CTNNA3: variants seen among roughly 807,000 people sequenced by gnomAD.
The protein encoded by CTNNA3 is catenin alpha 3.
Under a neutral mutation model 95.7 loss-of-function variants are expected in CTNNA3, and 76 were observed. The ratio of observed to expected loss-of-function variants is 0.79; its 90% CI spans 0.66 to 0.96. CTNNA3 has a LOEUF of 0.96. Among genes scored for constraint, CTNNA3 ranks in the 40% least tolerant of loss-of-function variants. The probability of loss-of-function intolerance (pLI) is 0.00; values close to 1 mark genes in which losing one functional copy is unlikely to be tolerated. For synonymous variants in CTNNA3, 431 were observed against 374.4 expected (o/e 1.15, Z -1.74); for missense variants, 1,191 against 1,089.8 (o/e 1.09, Z -1.31).
chr10:67,219,218 C>A (rs1864532636), intron 6 of CTNNA3, among the ~76,000 whole-genome samples: 1 of 152,136 alleles, frequency 6.6e-6, no homozygotes, highest in African/African-American at 2.4e-5. Flanking sequence ...CCTATAATCA[C>A]CTGCTAAAAT....
intron 2 of CTNNA3, among the ~76,000 whole-genome samples, chr10:67,632,441 G>C (rs115356339): frequency 0.035 from 5,378 of 152,184 alleles, 94 homozygotes; most frequent in Middle Eastern, 0.078. Flanking sequence ...ACTCAGAGAG[G>C]AAGGAAAGGA....
intron 7 of CTNNA3, among the ~76,000 whole-genome samples, chr10:66,825,771 C>G (rs938317045): frequency 6.6e-6 from 1 of 152,072 alleles, no homozygotes; most frequent in Non-Finnish European, 1.5e-5. Flanking sequence ...CTCACTGTCC[C>G]AGGATTGTGG....
At chr10:67,495,759 T>G (rs565282134) in intron 5 of CTNNA3, among the ~76,000 whole-genome samples, 3 of 152,310 alleles carry the variant, frequency 2.0e-5, no homozygotes, top group Admixed American at 2.0e-4. Context: ...ACTTACATCC[T>G]GTGTGAGTGG....
intron 5 of CTNNA3, among the ~76,000 whole-genome samples, chr10:67,503,914 T>C (rs1839316835): frequency 6.6e-6 from 1 of 152,076 alleles, no homozygotes; most frequent in Admixed American, 6.5e-5. Flanking sequence ...TCCCAGCACT[T>C]TGGGAGGCCA....
chr10:66,588,990 T>G (rs1200584253), intron 10 of CTNNA3, among the ~76,000 whole-genome samples: 2 of 152,094 alleles, frequency 1.3e-5, no homozygotes, highest in African/African-American at 4.8e-5. Flanking sequence ...AACAGACTAG[T>G]AATTAAATAC....
At chr10:67,635,505 T>C (rs886784973) in intron 2 of CTNNA3, among the ~76,000 whole-genome samples, 1 of 152,100 alleles carries the variant, frequency 6.6e-6, no homozygotes, top group Non-Finnish European at 1.5e-5. Flanking sequence ...GGATGCAAGG[T>C]TGGTTCAACA....
chr10:66,522,175 A>C (rs1390429406), intron 10 of CTNNA3, among the ~76,000 whole-genome samples: 1 of 152,144 alleles, frequency 6.6e-6, no homozygotes, highest in African/African-American at 2.4e-5. Flanking sequence ...TCTCTTGTTA[A>C]AATAAGTTAT....
intron 16 of CTNNA3, among the ~76,000 whole-genome samples, chr10:65,978,384 A>T (rs2078249529): frequency 6.7e-6 from 1 of 149,704 alleles, no homozygotes; most frequent in Admixed American, 6.7e-5. Flanking sequence ...TTCCTCTTAG[A>T]TTTTCTCCTA....
chr10:67,311,980 T>C (rs916278994), intron 5 of CTNNA3, among the ~76,000 whole-genome samples: 3 of 151,898 alleles, frequency 2.0e-5, no homozygotes, highest in Admixed American at 2.0e-4. Flanking sequence ...CACGCACACG[T>C]ACCACCTCAC....
intron 5 of CTNNA3, among the ~76,000 whole-genome samples, chr10:67,490,374 C>A (rs1052935984): frequency 2.0e-5 from 3 of 152,082 alleles, no homozygotes; most frequent in African/African-American, 4.8e-5. Flanking sequence ...CTGCTTAAGT[C>A]TGAATCTCCC....
chr10:67,726,514 TTATATTATATTATA>T (rs1215605733), intron 1 of CTNNA3, among the ~76,000 whole-genome samples: 1 of 66,078 alleles, frequency 1.5e-5, no homozygotes, highest in Non-Finnish European at 2.5e-5. Flanking sequence ...ATATTATATA[TTATATTATATTATA>T]TATATTATTA....
chr10:67,677,941 C>T (rs965272425), intron 1 of CTNNA3, among the ~76,000 whole-genome samples: 3 of 151,978 alleles, frequency 2.0e-5, no homozygotes, highest in Non-Finnish European at 2.9e-5. Context: ...AGAGTTGCCC[C>T]GATGCAAATG....
intron 10 of CTNNA3, among the ~76,000 whole-genome samples, chr10:66,531,211 T>G (rs1193021558): frequency 6.6e-6 from 1 of 152,170 alleles, no homozygotes; most frequent in Admixed American, 6.6e-5. Context: ...GTTTGTAGAC[T>G]AATAAAAATA....
chr10:66,558,388 G>T (rs939417960), intron 10 of CTNNA3, among the ~76,000 whole-genome samples: 4 of 151,896 alleles, frequency 2.6e-5, no homozygotes, highest in African/African-American at 9.7e-5. Context: ...ATTTTCTTTT[G>T]GGGAAATGGC....
At chr10:66,651,295 AAC>A (rs1845888156) in intron 9 of CTNNA3, among the ~76,000 whole-genome samples, 1 of 152,284 alleles carries the variant, frequency 6.6e-6, no homozygotes, top group African/African-American at 2.4e-5. Flanking sequence ...TGCATCCACA[AAC>A]CCTGAGCTAG....
At position 65,991,392 on chromosome 10, in the gene CTNNA3, G is replaced by A. The variant is rs540968670; in HGVS notation, c.2160-2595C>T. On this transcript the variant is annotated intron_variant, in intron 15 of 17. Transcript: ENST00000433211. ...GACAATATTAATTCTTCTGATCTATGGGCATGAAATATATTTTTTATTTTT... is the reference window on the plus strand; with the variant it reads ...GACAATATTAATTCTTCTGATCTATAGGCATGAAATATATTTTTTATTTTT... Among the ~76,000 whole-genome samples the A allele has an allele frequency of 3.0e-4, 46 of 152,056 alleles. No individual in the cohort carries two copies. The South Asian group carries it at 9.5e-3, about 31-fold the overall frequency.
At chr10:66,106,345 G>T (rs990875953) in intron 13 of CTNNA3, among the ~76,000 whole-genome samples, 21 of 49,230 alleles carry the variant, frequency 4.3e-4, no homozygotes, top group Admixed American at 3.6e-3. Context: ...GTTTGTGTGT[G>T]TGTGTGTGTG....
chr10:66,215,341 A>T (rs2088460210), intron 13 of CTNNA3, among the ~76,000 whole-genome samples: 1 of 152,204 alleles, frequency 6.6e-6, no homozygotes, highest in Non-Finnish European at 1.5e-5. Context: ...TGCCCTTTAC[A>T]TCAGTTACCT....
intron 13 of CTNNA3, among the ~76,000 whole-genome samples, chr10:66,166,977 A>G (rs920342122): frequency 2.0e-5 from 3 of 152,124 alleles, no homozygotes; most frequent in African/African-American, 4.8e-5. Context: ...AGGTGTGAAG[A>G]AAAAGGTGAT....
Sources: allele counts gnomAD v4.1 joint callset (sites outside exome capture counted in the v4.1 genomes callset), GRCh38; gene constraint gnomAD v4.1.1; transcripts MANE v1.5; gene names NCBI Gene and HGNC (gene_info 2026-07-23, HGNC 2026-07-21).